Variants in EEF1A1 observed in about 807,000 individuals in gnomAD.
EEF1A1 encodes the protein eukaryotic translation elongation factor 1 alpha 1.
Under a neutral mutation model 38.5 loss-of-function variants are expected in EEF1A1, and 1 was observed. The ratio of observed to expected loss-of-function variants is 0.03; its 90% CI spans 0.01 to 0.12. The LOEUF is 0.12. Among genes scored for constraint, EEF1A1 ranks in the 10% least tolerant of loss-of-function variants. The pLI is 1.00. For synonymous variants in EEF1A1, 229 were observed against 203.7 expected (o/e 1.12, Z -1.06); for missense variants, 184 against 588.3 (o/e 0.31, Z 7.11).
rs1301627889 is a variant in EEF1A1 at position 73,517,626 on chromosome 6, C to T, written c.*184G>A. On this transcript the variant is annotated 3_prime_UTR_variant, in exon 8 of 8. Coordinates refer to ENST00000309268, the MANE Select transcript of EEF1A1 (RefSeq NM_001402.6). ...AAACTAATAACTTAAAACTGCCACA[C>T]GCAAAAAAGAAAACCAAAGTGGTCC... 2.7e-5 allele frequency: 12 copies of T among 443,040 alleles called. No individual in the cohort carries two copies. Among genetic ancestry groups the T allele is most frequent in the African/African-American group, 1.2e-4 (6 of 49,452 alleles). 27.4% of individuals were successfully genotyped at this position (443,040 alleles called of 1,614,324 possible).
intron 1 of EEF1A1, chr6:73,520,312 A>C: frequency 9.3e-6 from 3 of 322,188 alleles, no homozygotes; most frequent in Non-Finnish European, 1.7e-5. Context: ...AGTCACATGA[A>C]GCGACGGCTG....
chr6:73,517,140 C>T lies in EEF1A1; in HGVS notation c.*670G>A, dbSNP rs752366806. 1 of 152,192 alleles carries T rather than the reference C, an allele frequency of 6.6e-6. No individual in the cohort carries two copies. The highest frequency in any genetic ancestry group is 1.5e-5 in the Non-Finnish European group (1 of 68,094). The allele number at this position is 152,192 out of a possible 1,614,324, so 9.4% of individuals were successfully genotyped here. ...ATGGCAAATAGTCAACTTTCACTGC[C>T]CAGTCATTTTAACCCACGTTTCAAC... On this transcript the variant is annotated 3_prime_UTR_variant, in exon 8 of 8. Transcript: ENST00000309268.
Position 73,516,930 on chromosome 6 carries a change from T to TTAGTC in EEF1A1, c.*875_*879dup, listed in dbSNP as rs1270356899. On this transcript the variant is annotated 3_prime_UTR_variant, in exon 8 of 8. Coordinates refer to ENST00000309268, the MANE Select transcript of EEF1A1 (RefSeq NM_001402.6). Reference sequence around the variant, plus strand: ...CTCTGCAGGAGAAAAGCAATGTAGATTAGTCTAATTTTATAGCTACTTCAA... The same window carrying TTAGTC: ...CTCTGCAGGAGAAAAGCAATGTAGATTAGTCTAGTCTAATTTTATAGCTACTTCAA... 2 of 152,216 alleles carry TTAGTC rather than the reference T, an allele frequency of 1.3e-5. No homozygotes were observed. The highest frequency in any genetic ancestry group is 4.8e-5 in the African/African-American group (2 of 41,462). 9.4% of individuals were successfully genotyped at this position (152,216 alleles called of 1,614,324 possible).
At chr6:73,518,007 TA>T (rs777353040) in intron 7 of EEF1A1, 22 bp downstream of exon 7, 5 of 1,607,934 alleles carry the variant, frequency 3.1e-6, no homozygotes, top group Non-Finnish European at 4.3e-6. Context: ...ACAACTTTTT[TA>T]CATTTAAGTA....
At chr6:73,518,870 T>G in intron 4 of EEF1A1, 22 bp from the exon 5 acceptor site, 8 of 1,612,436 alleles carry the variant, frequency 5.0e-6, no homozygotes, top group Non-Finnish European at 6.8e-6. Context: ...GCATGCCAAT[T>G]TGTGTAAGCA....
rs1467703935 is a variant in EEF1A1 at position 73,516,090 on chromosome 6, CTA to C, written c.*1718_*1719del. On this transcript the variant is annotated 3_prime_UTR_variant, in exon 8 of 8. Transcript: ENST00000309268. ...GTGTAAACATTAGATAGCAAAGAAA[CTA>C]AGGACAAAAATCTCTAGTTCAATTT... The C allele has an allele frequency of 6.6e-6, 1 of 152,164 alleles. No individual in the cohort carries two copies. Among genetic ancestry groups the C allele is most frequent in the Non-Finnish European group, 1.5e-5 (1 of 68,024 alleles). 9.4% of individuals were successfully genotyped at this position (152,164 alleles called of 1,614,324 possible). A position where few individuals can be genotyped will look rare whatever the true frequency, so the allele number is the denominator to read the frequency against.
rs1206367428 is a variant in EEF1A1, at chr6:73,516,363, C to T, written c.*1447G>A. ...GGCATGGTGGCTCATGCCTGTAATT[C>T]CAGCACTTTAGGAGGCCGAGGCGAT... On this transcript the variant is annotated 3_prime_UTR_variant, in exon 8 of 8. Transcript: ENST00000309268. The T allele has an allele frequency of 6.6e-6, 1 of 152,114 alleles. No homozygotes were observed. Among genetic ancestry groups the T allele is most frequent in the Admixed American group, 6.6e-5 (1 of 15,256 alleles). 9.4% of individuals were successfully genotyped at this position (152,114 alleles called of 1,614,324 possible).
intron 1 of EEF1A1, 141 bp from the exon 2 acceptor site, chr6:73,520,197 G>T: frequency 1.4e-6 from 1 of 728,552 alleles, no homozygotes; most frequent in Non-Finnish European, 2.2e-6. Flanking sequence ...CACTCAGTGT[G>T]GGGAAACTCC....
intron 1 of EEF1A1, 73 bp from the exon 2 acceptor site, chr6:73,520,129 G>T: frequency 1.4e-6 from 2 of 1,419,404 alleles, no homozygotes; most frequent in South Asian, 1.4e-5. Flanking sequence ...ACTCAAAAAG[G>T]GCAAATTCCA....
Position 73,518,859 on chromosome 6 carries a change from A to G in EEF1A1, c.622-11T>C, listed in dbSNP as rs1300709981. On this transcript the variant is annotated splice_polypyrimidine_tract_variant and intron_variant, in intron 4 of 7. Transcript: ENST00000309268. ...CTTGAACCAAGGCATCTGAAACACA[A>G]GCATGCCAATTTGTGTAAGCATGAA... 2.5e-6 allele frequency: 4 copies of G among 1,612,960 alleles called. No homozygotes were observed. Among genetic ancestry groups the G allele is most frequent in the Non-Finnish European group, 3.4e-6 (4 of 1,179,108 alleles).
chr6:73,520,392 A>C (rs1291245756), intron 1 of EEF1A1: 2 of 179,314 alleles, frequency 1.1e-5, no homozygotes, highest in Non-Finnish European at 2.4e-5. Context: ...CGCGTCCTCC[A>C]TTTTGAGCTC....
chr6:73,520,156 G>C, intron 1 of EEF1A1, 100 bp from the exon 2 acceptor site: 1 of 1,173,386 alleles, frequency 8.5e-7, no homozygotes, highest in South Asian at 1.6e-5. Flanking sequence ...ATTACATCAA[G>C]TGCCAAGCTG....
rs1459593608 is a variant in EEF1A1 at position 73,517,432 on chromosome 6, TTC to T, written c.*376_*377del. 1 of 189,430 alleles carries T rather than the reference TTC, an allele frequency of 5.3e-6. No homozygotes were observed. Among genetic ancestry groups the T allele is most frequent in the Non-Finnish European group, 1.1e-5 (1 of 91,360 alleles). 11.7% of individuals were successfully genotyped at this position (189,430 alleles called of 1,614,324 possible). A position where few individuals can be genotyped will look rare whatever the true frequency, so the allele number is the denominator to read the frequency against. On this transcript the variant is annotated 3_prime_UTR_variant, in exon 8 of 8. Transcript: ENST00000309268. The stretch of plus-strand genomic sequence containing the variant: ...GAAGTGTTAACTCAAGAATTACATT[TTC>T]AAGAAGTTTCCAGATTCGTAAAACC...
In EEF1A1 at chr6:73,517,858, T is replaced by C. The variant is rs202207658; in HGVS notation, c.1341A>G (p.Gly447=). The C allele has an allele frequency of 5.5e-5, 88 of 1,604,432 alleles. No homozygotes were observed. The highest frequency in any genetic ancestry group is 6.6e-5 in the Non-Finnish European group (78 of 1,173,904). The change falls in exon 8 of 8, where the codon GGA becomes GGG. Residue 447 remains glycine (G), a synonymous_variant. Transcript: ENST00000309268. The part of the protein sequence containing the change: ...VIKAVDKKAA[G]AGKVTKSAQK... ...GGGCAGACTTGGTGACCTTGCCAGCTCCAGCAGCCTTCTTGTCCACTGCTT... is the reference window on the plus strand; with the variant it reads ...GGGCAGACTTGGTGACCTTGCCAGCCCCAGCAGCCTTCTTGTCCACTGCTT...
At chr6:73,519,641 T>C in intron 2 of EEF1A1, 125 bp from the exon 3 acceptor site, 1 of 1,264,196 alleles carries the variant, frequency 7.9e-7, no homozygotes, top group Non-Finnish European at 1.1e-6. Context: ...TTTTAGTCAC[T>C]TTGGGTTACA....
In EEF1A1 at chr6:73,519,324, T is replaced by C. The variant is rs775098348; in HGVS notation, c.324+13A>G. ...TTGGGATAAAGAAACCTAGAATTAT[T>C]AATCCCACCAACCTGAGATGTCCCT... On this transcript the variant is annotated intron_variant, in intron 3 of 7. Transcript: ENST00000309268. The C allele has an allele frequency of 1.2e-6, 2 of 1,607,428 alleles. No homozygotes were observed. The highest frequency in any genetic ancestry group is 2.2e-5 in the South Asian group (2 of 90,850).
rs200371831 is a variant in EEF1A1 at position 73,519,087 on chromosome 6, C to G, written c.466G>C (p.Asp156His). ...KQLIVGVNKM[D>H]STEPPYSQKR... is the part of the protein sequence containing the mutation. ...TGGCTGTAGGGTGGCTCAGTGGAAT[C>G]CATTTTGTTAACACCGACAATTAGT... is the stretch of plus-strand genomic sequence containing the variant. The change falls in exon 4 of 8, where the codon GAT becomes CAT. Residue 156 changes from aspartate to histidine, a missense_variant. Coordinates refer to ENST00000309268, the MANE Select transcript of EEF1A1 (RefSeq NM_001402.6). 6.2e-7 allele frequency: 1 copy of G among 1,604,386 alleles called. No homozygotes were observed. Among genetic ancestry groups the G allele is most frequent in the Non-Finnish European group, 8.5e-7 (1 of 1,176,004 alleles).
In EEF1A1 at chr6:73,516,779, T is replaced by C. The variant is rs550342569; in HGVS notation, c.*1031A>G. The C allele has an allele frequency of 2.0e-5, 3 of 152,214 alleles. No homozygotes were observed. Among genetic ancestry groups the C allele is most frequent in the African/African-American group, 7.2e-5 (3 of 41,458 alleles). 9.4% of individuals were successfully genotyped at this position (152,214 alleles called of 1,614,324 possible). On this transcript the variant is annotated 3_prime_UTR_variant, in exon 8 of 8. Transcript: ENST00000309268. ...AAGATCGCGAAAAGCATTTTTCAAA[T>C]GCACAAATGCTTAAAGATTCAGGAG...
rs1342422478 is a variant in EEF1A1, at chr6:73,518,347, T to C, written c.1029+7A>G. ...TGCAATAAGTTAATGTTACTTTAAA[T>C]TGTTACCTGAGCAGTGAAGCCAGCT... On this transcript the variant is annotated splice_region_variant and intron_variant, in intron 6 of 7. Coordinates refer to ENST00000309268, the MANE Select transcript of EEF1A1 (RefSeq NM_001402.6). The C allele has an allele frequency of 3.1e-6, 5 of 1,612,616 alleles. No individual in the cohort carries two copies. Among genetic ancestry groups the C allele is most frequent in the South Asian group, 2.2e-5 (2 of 90,804 alleles).
Sources: allele counts gnomAD v4.1 joint callset, GRCh38; gene constraint gnomAD v4.1.1; transcripts MANE v1.5; gene names NCBI Gene and HGNC (gene_info 2026-07-23, HGNC 2026-07-21).